SNURF: variants seen among roughly 807,000 people sequenced by gnomAD.
The protein encoded by SNURF is SNRPN upstream open reading frame, also known as SNURF protein.
SNURF carries 6 observed loss-of-function variants against 11.6 expected under a neutral mutation model. The observed-to-expected ratio is 0.52, with a 90% CI of 0.28 to 1.02. The LOEUF is 1.02. Ranked by LOEUF, SNURF falls within the 50% of genes least tolerant of loss-of-function variation. The pLI is 0.09. For missense variants in SNURF, 84 were observed against 88.4 expected, an observed-to-expected ratio of 0.95 and a Z score of 0.20; for synonymous variants, 29 against 31.6, an observed-to-expected ratio of 0.92 and a Z score of 0.27.
At chr15:24,968,150 T>A in exon 3 of SNURF, 1 of 895,668 alleles carries the variant, frequency 1.1e-6, no homozygotes, top group Non-Finnish European at 1.8e-6. Flanking sequence ...GGGGTTCTCT[T>A]AATTATCAGT....
downstream of SNURF, among the ~76,000 whole-genome samples, chr15:24,969,952 C>T (rs1460401649): frequency 6.6e-6 from 1 of 152,112 alleles, no homozygotes; most frequent in African/African-American, 2.4e-5. Flanking sequence ...CAGGCAAAGC[C>T]TAAAATACTT....
downstream of SNURF, chr15:24,978,071 T>C: frequency 1.7e-6 from 2 of 1,202,900 alleles, no homozygotes; most frequent in African/African-American, 1.5e-5. Context: ...GTAATTGTCA[T>C]ATAGAAGTTA....
At position 24,977,645 on chromosome 15, in the gene SNURF, A is replaced by C. The variant is rs549915278; in HGVS notation, c.*463-133A>C. On this transcript the variant is annotated intron_variant and NMD_transcript_variant, in intron 6 of 6. Coordinates refer to the SNURF transcript ENST00000580062. Reference sequence around the variant, plus strand: ...AAGAGTGAAACTGTCTCAAAAAAAAACATGGGAATAATGAGAGAAGTACAT... The same window carrying C: ...AAGAGTGAAACTGTCTCAAAAAAAACCATGGGAATAATGAGAGAAGTACAT... 143 of 892,362 alleles carry C rather than the reference A, an allele frequency of 1.6e-4. No homozygotes were observed. The African/African-American group carries it at 1.9e-3, about 12-fold the overall frequency. 55.3% of individuals were successfully genotyped at this position (892,362 alleles called of 1,614,324 possible).
intron 1 of SNURF, among the ~76,000 whole-genome samples, chr15:24,955,286 C>T (rs906108254): frequency 2.0e-5 from 3 of 152,030 alleles, no homozygotes; most frequent in African/African-American, 4.8e-5. Context: ...GTCCCCCATC[C>T]GCCCCCAACT....
rs566806700 is a variant in SNURF at position 24,974,577 on chromosome 15, T to C, written c.*46-781T>C. The C allele has an allele frequency of 1.3e-5, 12 of 924,156 alleles. No individual in the cohort carries two copies. In the South Asian group the frequency reaches 1.6e-4, roughly 12 times the overall value. The allele number at this position is 924,156 out of a possible 1,614,324, so 57.2% of individuals were successfully genotyped here. The stretch of plus-strand genomic sequence containing the variant: ...AGAAATAAGGATACATCCATGGATA[T>C]GGATTCTCATTGCATTGAGTATCAG... On this transcript the variant is annotated intron_variant and NMD_transcript_variant, in intron 3 of 6. Transcript: ENST00000580062.
intron 1 of SNURF, among the ~76,000 whole-genome samples, chr15:24,955,846 G>A (rs964422035): frequency 2.0e-5 from 3 of 151,396 alleles, no homozygotes; most frequent in Non-Finnish European, 4.4e-5. Context: ...GGTGGGCATG[G>A]CATGGAGGCG....
chr15:24,956,011 T>G (rs1465012435), intron 1 of SNURF, among the ~76,000 whole-genome samples: 2 of 151,988 alleles, frequency 1.3e-5, no homozygotes, highest in African/African-American at 2.4e-5. Context: ...GTTTGCCTAC[T>G]GTGGTGGTGG....
intron 1 of SNURF, among the ~76,000 whole-genome samples, chr15:24,961,226 A>C (rs2074753347): frequency 6.6e-6 from 1 of 152,216 alleles, no homozygotes; most frequent in Non-Finnish European, 1.5e-5. Flanking sequence ...CTTGATTAGA[A>C]CATTTAAACT....
intron 1 of SNURF, among the ~76,000 whole-genome samples, chr15:24,957,272 A>T (rs1471760564): frequency 6.6e-6 from 1 of 152,180 alleles, no homozygotes; most frequent in Non-Finnish European, 1.5e-5. Flanking sequence ...AGGTGTTTCA[A>T]ACACTGGACC....
At chr15:24,958,576 A>G (rs1047858242) in intron 1 of SNURF, among the ~76,000 whole-genome samples, 31 of 143,100 alleles carry the variant, frequency 2.2e-4, no homozygotes, top group African/African-American at 8.0e-4. Context: ...GCTAGACTCA[A>G]GCTATATCCT....
chr15:24,977,469 A>C (rs1381336579), intron 6 of SNURF, among the ~76,000 whole-genome samples: 2 of 152,034 alleles, frequency 1.3e-5, no homozygotes, highest in South Asian at 2.1e-4. Flanking sequence ...TGAAAACCCT[A>C]TCTCTACTAA....
intron 1 of SNURF, among the ~76,000 whole-genome samples, chr15:24,956,494 G>C (rs2062924917): frequency 6.6e-6 from 1 of 152,150 alleles, no homozygotes; most frequent in Admixed American, 6.5e-5. Context: ...GCCAAGGTGG[G>C]CGGCTGCCCC....
chr15:24,973,771 A>G (rs2076746148), downstream of SNURF, among the ~76,000 whole-genome samples: 3 of 152,160 alleles, frequency 2.0e-5, no homozygotes, highest in Non-Finnish European at 4.4e-5. Context: ...CTATATATAT[A>G]TATTCCATAG....
At chr15:24,960,945 CCTT>C (rs2074697238) in intron 1 of SNURF, among the ~76,000 whole-genome samples, 1 of 152,086 alleles carries the variant, frequency 6.6e-6, no homozygotes, top group African/African-American at 2.4e-5. Flanking sequence ...CCTCTCCCTA[CCTT>C]CTTTTTTTTC....
chr15:24,976,759 A>G, intron 5 of SNURF: 2 of 878,484 alleles, frequency 2.3e-6, no homozygotes, highest in Non-Finnish European at 3.6e-6. Context: ...ATTTGGACAC[A>G]GAACTAATAT....
At chr15:24,957,404 T>G (rs17114902) in intron 1 of SNURF, among the ~76,000 whole-genome samples, 9,611 of 152,274 alleles carry the variant, frequency 0.063, 602 homozygotes, top group African/African-American at 0.16. Context: ...TTTTTTTGGA[T>G]TTTTAAATTA....
chr15:24,962,001 A>C, intron 1 of SNURF, 113 bp from the exon 2 acceptor site: 1 of 953,892 alleles, frequency 1.0e-6, no homozygotes, highest in Non-Finnish European at 1.7e-6. Flanking sequence ...CCTTGTTTTA[A>C]TTAGATTTAA....
intron 3 of SNURF, chr15:24,975,333 A>G (rs1157615466): frequency 8.7e-6 from 14 of 1,603,672 alleles, no homozygotes; most frequent in South Asian, 1.1e-5. Flanking sequence ...CAAGCTGAAC[A>G]TGACTCTTGT....
At chr15:24,966,580 C>T (rs2075675929) in intron 2 of SNURF, among the ~76,000 whole-genome samples, 1 of 152,102 alleles carries the variant, frequency 6.6e-6, no homozygotes, top group African/African-American at 2.4e-5. Context: ...CCTGGTTAGT[C>T]ACCATCTTGA....
Sources: allele counts gnomAD v4.1 joint callset (sites outside exome capture counted in the v4.1 genomes callset), GRCh38; gene constraint gnomAD v4.1.1; transcripts MANE v1.5; gene names NCBI Gene and HGNC (gene_info 2026-07-23, HGNC 2026-07-21).